Variants in CEP192 observed in about 807,000 individuals in gnomAD.
CEP192 encodes the protein centrosomal protein 192.
CEP192 carries 151 observed loss-of-function variants against 271.8 expected under a neutral mutation model. That is an observed-to-expected ratio of 0.56 (90% CI 0.49 to 0.64). CEP192 has a LOEUF of 0.64. Ranked by LOEUF, CEP192 falls within the 30% of genes least tolerant of loss-of-function variation. CEP192 has a pLI of 0.00. For synonymous variants in CEP192, 995 were observed against 1,076.5 expected, an observed-to-expected ratio of 0.92 and a Z score of 1.48; for missense variants, 2,910 against 3,020.5, an observed-to-expected ratio of 0.96 and a Z score of 0.86.
At chr18:13,122,832 CGTGTGTGT>C (rs59158168) in intron 44 of CEP192, among the ~76,000 whole-genome samples, 60,585 of 150,302 alleles carry the variant, frequency 0.4, 12,312 homozygotes, top group Middle Eastern at 0.47. Flanking sequence ...TACCTTTTCC[CGTGTGTGT>C]GTGTGTGTGT....
intron 20 of CEP192, chr18:13,058,093 A>AG (rs1289571828): frequency 6.5e-6 from 1 of 154,550 alleles, no homozygotes; most frequent in African/African-American, 2.4e-5. Context: ...AAAAAAAAAA[A>AG]GAAAGCAGTT....
rs1408440863 is a variant in CEP192 at position 13,115,942 on chromosome 18, A to G, written c.7290-435A>G. Among the ~76,000 whole-genome samples, 4 of 152,192 alleles carry G rather than the reference A, an allele frequency of 2.6e-5. No individual in the cohort carries two copies. In the East Asian group the frequency reaches 5.8e-4, roughly 22 times the overall value. ...GGGAGTGGCCGGAGAAAGGGGAGGC[A>G]GCTGTGCAGGGTTTGGGAAGCCCAG... is the stretch of plus-strand genomic sequence containing the variant. On this transcript the variant is annotated intron_variant, in intron 42 of 44. Transcript: ENST00000506447.
Position 13,018,662 on chromosome 18 carries a change from C to A in CEP192, c.925+47C>A, listed in dbSNP as rs1407149161. ...TTTTGTTCTTAAGTTCTAGTTTTGA[C>A]TTTACTTTTTTTAAAAAAAAAATAT... On this transcript the variant is annotated intron_variant, in intron 8 of 44. Coordinates refer to ENST00000506447, the MANE Select transcript of CEP192 (RefSeq NM_032142.4). The A allele has an allele frequency of 2.3e-6, 3 of 1,322,806 alleles. 1 individual carries two copies. Among genetic ancestry groups the A allele is most frequent in the South Asian group, 1.6e-5 (1 of 61,318 alleles). The allele number at this position is 1,322,806 out of a possible 1,614,324, so 81.9% of individuals were successfully genotyped here.
Position 13,017,221 on chromosome 18 carries a change from A to G in CEP192, c.674A>G (p.Asp225Gly). ...DDIDDEMFYD[D>G]HLEAYFEQLA... ...ATTGATGATGAAATGTTTTATGATG[A>G]TCATTTGGAGGCTTATTTTGAACAA... Residue 225 changes from aspartate to glycine, a missense_variant, in exon 7 of 45, where the codon GAT becomes GGT. Transcript: ENST00000506447. The G allele has an allele frequency of 6.5e-7, 1 of 1,549,226 alleles. No homozygotes were observed.
At chr18:13,104,372 T>G (rs1324151413) in intron 39 of CEP192, among the ~76,000 whole-genome samples, 1 of 152,122 alleles carries the variant, frequency 6.6e-6, no homozygotes, top group African/African-American at 2.4e-5. Flanking sequence ...GGTGTGTCAT[T>G]GGTGGTGTTT....
chr18:13,059,336 T>C (rs752190923), intron 21 of CEP192, 24 bp downstream of exon 21: 1 of 1,567,624 alleles, frequency 6.4e-7, no homozygotes, highest in Non-Finnish European at 8.8e-7. Context: ...AATGAATCTT[T>C]GTCATACCTG....
At chr18:13,009,565 G>C (rs1043988640) in intron 4 of CEP192, among the ~76,000 whole-genome samples, 11 of 152,254 alleles carry the variant, frequency 7.2e-5, no homozygotes, top group Non-Finnish European at 1.3e-4. Flanking sequence ...AGGCATGGTG[G>C]CTTACGCCTG....
At chr18:13,084,821 T>C (rs886460115) in intron 30 of CEP192, among the ~76,000 whole-genome samples, 3 of 107,182 alleles carry the variant, frequency 2.8e-5, no homozygotes, top group African/African-American at 6.7e-5. Context: ...TTTGATTTCC[T>C]TTTTTTTTTT....
chr18:13,036,728 C>G (rs1203822905), intron 11 of CEP192, among the ~76,000 whole-genome samples: 1 of 152,174 alleles, frequency 6.6e-6, no homozygotes, highest in Non-Finnish European at 1.5e-5. Flanking sequence ...CGTTCCTTTC[C>G]CAGGGAGGGC....
chr18:13,013,611 G>C (rs2034484720), intron 5 of CEP192, among the ~76,000 whole-genome samples: 1 of 152,174 alleles, frequency 6.6e-6, no homozygotes, highest in East Asian at 1.9e-4. Context: ...GTGTGTGCTT[G>C]TGCGTGAGTG....
At chr18:13,024,393 G>A (rs953569572) in intron 9 of CEP192, 78 of 450,394 alleles carry the variant, frequency 1.7e-4, no homozygotes, top group African/African-American at 1.2e-3. Context: ...TCTTGTAGAC[G>A]TCATATACTT....
At chr18:13,093,847 A>T (rs1018535626) in intron 34 of CEP192, among the ~76,000 whole-genome samples, 2 of 152,234 alleles carry the variant, frequency 1.3e-5, no homozygotes, top group African/African-American at 4.8e-5. Flanking sequence ...CATTCCATAG[A>T]TAAGGACATT....
chr18:13,102,849 G>A (rs2039778084), intron 38 of CEP192, among the ~76,000 whole-genome samples: 1 of 152,130 alleles, frequency 6.6e-6, no homozygotes, highest in Non-Finnish European at 1.5e-5. Context: ...GACTTCCCGT[G>A]TGCTCGGGCC....
At position 13,113,615 on chromosome 18, in the gene CEP192, G is replaced by T; in HGVS notation, c.7077G>T (p.Arg2359Ser). ...KVSITFLPRG[R>S]GDYAQFWDVE... is the part of the protein sequence containing the mutation. The stretch of plus-strand genomic sequence containing the variant: ...CCATCACATTTTTGCCCAGAGGTAG[G>T]GGGGATTATGCCCAGTTTTGGGATG... Residue 2359 changes from arginine (R) to serine (S), a missense_variant, in exon 41 of 45, where the codon AGG (arginine) becomes AGT (serine). Transcript: ENST00000506447. 1 of 1,613,372 alleles carries T rather than the reference G, an allele frequency of 6.2e-7. No homozygotes were observed. Among genetic ancestry groups the T allele is most frequent in the East Asian group, 2.2e-5 (1 of 44,852 alleles).
intron 1 of CEP192, among the ~76,000 whole-genome samples, chr18:12,993,322 T>G (rs774329960): frequency 6.6e-6 from 1 of 152,172 alleles, no homozygotes; most frequent in Non-Finnish European, 1.5e-5. Flanking sequence ...AAGGTAGATG[T>G]CAGAGAGCCA....
chr18:13,107,171 G>A (rs538988084), intron 40 of CEP192, among the ~76,000 whole-genome samples: 47 of 152,228 alleles, frequency 3.1e-4, no homozygotes, highest in South Asian at 1.9e-3. Context: ...TTTGCCAAAG[G>A]TCATACAATC....
chr18:13,057,856 T>C (rs537036073), intron 20 of CEP192, 123 bp downstream of exon 20: 1 of 836,568 alleles, frequency 1.2e-6, no homozygotes, highest in East Asian at 2.8e-5. Flanking sequence ...GTCATTGCCA[T>C]GGTATCTTTC....
At chr18:13,054,263 C>T (rs1423993080) in intron 18 of CEP192, among the ~76,000 whole-genome samples, 1 of 152,198 alleles carries the variant, frequency 6.6e-6, no homozygotes, top group Non-Finnish European at 1.5e-5. Flanking sequence ...TGGGCCAAGA[C>T]AGTAGCAGTG....
chr18:13,059,426 G>T, intron 21 of CEP192, 114 bp downstream of exon 21: 1 of 740,324 alleles, frequency 1.4e-6, no homozygotes. Context: ...CACAAAATTA[G>T]TTTCAAGCTG....
Sources: gnomAD v4.1 joint callset for allele counts (sites outside exome capture counted in the v4.1 genomes callset) on GRCh38, gnomAD v4.1.1 for gene constraint, MANE v1.5 for transcripts, NCBI Gene and HGNC (gene_info 2026-07-23, HGNC 2026-07-21) for gene names.